AHCYL2: variants seen among roughly 807,000 people sequenced by gnomAD.
AHCYL2 encodes adenosylhomocysteinase like 2, also known as S-adenosylhomocysteine hydrolase-like protein 2.
AHCYL2 carries 28 observed loss-of-function variants against 81.4 expected under a neutral mutation model. That is an observed-to-expected ratio of 0.34 (90% CI 0.25 to 0.47). The LOEUF is 0.47. Among genes scored for constraint, AHCYL2 ranks in the 20% least tolerant of loss-of-function variants. AHCYL2 has a pLI of 1.00. For synonymous variants in AHCYL2, 272 were observed against 290.2 expected (o/e 0.94, Z 0.64); for missense variants, 551 against 785.1 (o/e 0.70, Z 3.56).
intron 11 of AHCYL2, among the ~76,000 whole-genome samples, chr7:129,411,498 G>A (rs946560101): frequency 6.6e-6 from 1 of 152,044 alleles, no homozygotes; most frequent in African/African-American, 2.4e-5. Flanking sequence ...GGTGGCTCAC[G>A]CCTGTAATCC....
chr7:129,290,802 C>T (rs1475248076), intron 1 of AHCYL2, among the ~76,000 whole-genome samples: 5 of 149,458 alleles, frequency 3.3e-5, no homozygotes, highest in African/African-American at 9.9e-5. Flanking sequence ...CAGTGGCGGG[C>T]GCCTGTAATC....
At position 129,338,943 on chromosome 7, in the gene AHCYL2, T is replaced by C. The variant is rs112417634; in HGVS notation, c.364-40695T>C. 6.1e-3 allele frequency among the ~76,000 whole-genome samples: 926 copies of C among 152,330 alleles called. 12 individuals carry two copies. Among genetic ancestry groups the C allele is most frequent in the African/African-American group, 0.021 (892 of 41,574 alleles). On this transcript the variant is annotated intron_variant, in intron 1 of 16. Coordinates refer to ENST00000325006, the MANE Select transcript of AHCYL2 (RefSeq NM_015328.4). ...TTTTAAGTGATGGGTCTCTTTCAAA[T>C]TTCTGCACATCCTTTGTGTTCGGAT... is the stretch of plus-strand genomic sequence containing the variant.
At chr7:129,246,263 G>A (rs1795052981) in intron 1 of AHCYL2, among the ~76,000 whole-genome samples, 2 of 152,092 alleles carry the variant, frequency 1.3e-5, no homozygotes, top group Non-Finnish European at 2.9e-5. Context: ...TCTCCATGTT[G>A]GTCAGGCTGG....
At chr7:129,384,946 A>G (rs945328135) in intron 2 of AHCYL2, among the ~76,000 whole-genome samples, 1 of 152,234 alleles carries the variant, frequency 6.6e-6, no homozygotes, top group Non-Finnish European at 1.5e-5. Flanking sequence ...AAACTTCTAA[A>G]AAACTCTTCC....
chr7:129,308,846 A>G (rs1041642219), intron 1 of AHCYL2, among the ~76,000 whole-genome samples: 1 of 152,224 alleles, frequency 6.6e-6, no homozygotes. Flanking sequence ...TGGATCATTC[A>G]TTATAATTTC....
chr7:129,393,342 C>T (rs556179116), intron 4 of AHCYL2, among the ~76,000 whole-genome samples: 5 of 152,216 alleles, frequency 3.3e-5, no homozygotes, highest in African/African-American at 9.6e-5. Context: ...TGATTGAGCC[C>T]GAAAGGTCGA....
At chr7:129,289,407 G>T (rs1435957576) in intron 1 of AHCYL2, among the ~76,000 whole-genome samples, 1 of 152,114 alleles carries the variant, frequency 6.6e-6, no homozygotes, top group Non-Finnish European at 1.5e-5. Context: ...CTTTTTGTGT[G>T]ATGTTAGTAA....
chr7:129,274,575 C>A (rs1796131631), intron 1 of AHCYL2, among the ~76,000 whole-genome samples: 1 of 152,116 alleles, frequency 6.6e-6, no homozygotes, highest in South Asian at 2.1e-4. Context: ...TCTGGGCTGG[C>A]TTTAGTGACT....
At chr7:129,383,649 C>G (rs1270213944) in intron 2 of AHCYL2, among the ~76,000 whole-genome samples, 1 of 152,180 alleles carries the variant, frequency 6.6e-6, no homozygotes, top group African/African-American at 2.4e-5. Flanking sequence ...AAAGTTCTTA[C>G]AATGGCCTAC....
chr7:129,286,191 T>C (rs1442241079), intron 1 of AHCYL2, among the ~76,000 whole-genome samples: 1 of 152,160 alleles, frequency 6.6e-6, no homozygotes, highest in Non-Finnish European at 1.5e-5. Flanking sequence ...ATTAGAATTA[T>C]AGGTGTTTTA....
At position 129,403,469 on chromosome 7, in the gene AHCYL2, G is replaced by A. The variant is rs1471533265; in HGVS notation, c.1009G>A (p.Val337Ile). ...AATCAAGGGCATAGTAGAGGAGAGT[G>A]TTACTGGAGTTCACAGGTAAGATTT... ...KKIKGIVEESVTGVHRLYQLS... is the reference protein window; with the variant it reads ...KKIKGIVEESITGVHRLYQLS... The change falls in exon 7 of 17, where the codon GTT becomes ATT. Residue 337 changes from valine to isoleucine, a missense_variant. Val to Ile is a conservative substitution (Grantham distance 29). Transcript: ENST00000325006. The A allele has an allele frequency of 6.2e-7, 1 of 1,606,040 alleles. No homozygotes were observed. Among genetic ancestry groups the A allele is most frequent in the South Asian group, 1.1e-5 (1 of 89,872 alleles).
intron 1 of AHCYL2, 78 bp from the exon 2 acceptor site, chr7:129,379,560 G>T: frequency 9.8e-7 from 1 of 1,025,348 alleles, no homozygotes; most frequent in Non-Finnish European, 1.4e-6. Flanking sequence ...GAAGGTGAAA[G>T]CCTGTAATAC....
chr7:129,251,204 G>A (rs949435643), intron 1 of AHCYL2, among the ~76,000 whole-genome samples: 5 of 152,144 alleles, frequency 3.3e-5, no homozygotes, highest in African/African-American at 1.2e-4. Flanking sequence ...ACCTTGATTG[G>A]TAAGCCTGTG....
At chr7:129,409,813 A>G (rs1796479328) in intron 11 of AHCYL2, among the ~76,000 whole-genome samples, 1 of 152,036 alleles carries the variant, frequency 6.6e-6, no homozygotes, top group Non-Finnish European at 1.5e-5. Flanking sequence ...ATAGCTAGAG[A>G]TGAGATTCAC....
intron 1 of AHCYL2, among the ~76,000 whole-genome samples, chr7:129,323,824 T>A (rs1352926962): frequency 1.3e-5 from 2 of 152,108 alleles, no homozygotes; most frequent in Non-Finnish European, 2.9e-5. Context: ...CCTGGTGATA[T>A]TCTTTGTTCT....
In AHCYL2 at chr7:129,397,135, T is replaced by C. The variant is rs114255466; in HGVS notation, c.721-87T>C. On this transcript the variant is annotated intron_variant, in intron 4 of 16. Coordinates refer to ENST00000325006, the MANE Select transcript of AHCYL2 (RefSeq NM_015328.4). ...CTGGCTTAAGTCATTCCCGTTGTAT[T>C]TTCTGATTGTAAAATATATAAACTT... 3.0e-3 allele frequency: 3,477 copies of C among 1,159,206 alleles called. 83 individuals are homozygous for C. The African/African-American group carries it at 0.048, about 16-fold the overall frequency. 71.8% of individuals were successfully genotyped at this position (1,159,206 alleles called of 1,614,324 possible).
At chr7:129,238,721 G>C (rs1366226675) in intron 1 of AHCYL2, among the ~76,000 whole-genome samples, 1 of 152,194 alleles carries the variant, frequency 6.6e-6, no homozygotes, top group African/African-American at 2.4e-5. Flanking sequence ...GGAGGCCGAA[G>C]CAGCAGATCA....
intron 1 of AHCYL2, among the ~76,000 whole-genome samples, chr7:129,287,354 T>G (rs1796674051): frequency 6.6e-6 from 1 of 152,236 alleles, no homozygotes; most frequent in African/African-American, 2.4e-5. Flanking sequence ...ACACAAGAGT[T>G]ATCACCATTA....
chr7:129,270,468 T>C (rs1795971084), intron 1 of AHCYL2, among the ~76,000 whole-genome samples: 1 of 152,226 alleles, frequency 6.6e-6, no homozygotes, highest in Admixed American at 6.5e-5. Context: ...TTATATGTTT[T>C]ACATTTGACA....
Sources: gnomAD v4.1 joint callset for allele counts (sites outside exome capture counted in the v4.1 genomes callset) on GRCh38, gnomAD v4.1.1 for gene constraint, MANE v1.5 for transcripts, NCBI Gene and HGNC (gene_info 2026-07-23, HGNC 2026-07-21) for gene names.